Variants in UNC79 observed in about 807,000 individuals in gnomAD.
UNC79 encodes protein unc-79 homolog.
UNC79 carries 37 observed loss-of-function variants against 283.1 expected under a neutral mutation model. The observed-to-expected ratio is 0.13, with a 90% CI of 0.10 to 0.17. The LOEUF is 0.17. Among genes scored for constraint, UNC79 ranks in the 10% least tolerant of loss-of-function variants. UNC79 has a pLI of 1.00. For missense variants in UNC79, 2,272 were observed against 3,211.1 expected, an observed-to-expected ratio of 0.71 and a Z score of 7.07; for synonymous variants, 1,107 against 1,200.2, an observed-to-expected ratio of 0.92 and a Z score of 1.61.
At chr14:93,653,465 T>C (rs1192882205) in intron 35 of UNC79, among the ~76,000 whole-genome samples, 1 of 152,168 alleles carries the variant, frequency 6.6e-6, no homozygotes, top group Non-Finnish European at 1.5e-5. Context: ...GACCTTTGTA[T>C]GTGACCTCTT....
chr14:93,374,006 A>C (rs11852064), intron 1 of UNC79, among the ~76,000 whole-genome samples: 16,161 of 152,062 alleles, frequency 0.11, 896 homozygotes, highest in Middle Eastern at 0.17. Context: ...AGGCTTGGCA[A>C]CCTCCACCCA....
chr14:93,497,195 G>A (rs1301359724), exon 7 of UNC79: 1 of 1,613,394 alleles, frequency 6.2e-7, no homozygotes, highest in Non-Finnish European at 8.5e-7. Context: ...CTTCACAAGT[G>A]AAGCCTCCAG....
intron 42 of UNC79, among the ~76,000 whole-genome samples, chr14:93,685,015 G>A (rs1343070163): frequency 6.6e-6 from 1 of 152,150 alleles, no homozygotes; most frequent in African/African-American, 2.4e-5. Flanking sequence ...AGGAGGGATT[G>A]GAAATTATAT....
chr14:93,560,893 A>C (rs890299377), intron 14 of UNC79, among the ~76,000 whole-genome samples: 1 of 152,262 alleles, frequency 6.6e-6, no homozygotes, highest in South Asian at 2.1e-4. Flanking sequence ...GGGTAACTGC[A>C]TAGAGGGAGA....
chr14:93,624,976 G>A (rs545760431), intron 30 of UNC79, among the ~76,000 whole-genome samples: 8 of 152,276 alleles, frequency 5.3e-5, no homozygotes, highest in East Asian at 3.9e-4. Flanking sequence ...GTACTGGGTC[G>A]TCCTCCGTAT....
At chr14:93,419,468 G>A (rs553320826) in intron 1 of UNC79, among the ~76,000 whole-genome samples, 5 of 151,534 alleles carry the variant, frequency 3.3e-5, no homozygotes, top group Non-Finnish European at 4.4e-5. Context: ...TACCCAGCCC[G>A]TAAACCACTC....
chr14:93,632,536 TA>T, intron 31 of UNC79, among the ~76,000 whole-genome samples: 1 of 151,874 alleles, frequency 6.6e-6, no homozygotes, highest in African/African-American at 2.4e-5. Context: ...CCAGTCTCTA[TA>T]AAAAAATTAA....
At chr14:93,607,026 G>A (rs150396168) in intron 26 of UNC79, among the ~76,000 whole-genome samples, 7 of 152,288 alleles carry the variant, frequency 4.6e-5, no homozygotes, top group Non-Finnish European at 8.8e-5. Context: ...GTAACTGCCC[G>A]TAGGAATTCA....
intron 1 of UNC79, among the ~76,000 whole-genome samples, chr14:93,334,004 T>C (rs1300438745): frequency 2.0e-5 from 3 of 152,246 alleles, no homozygotes; most frequent in African/African-American, 7.2e-5. Flanking sequence ...TATTTGAAAG[T>C]ATTGTATTTG....
intron 1 of UNC79, among the ~76,000 whole-genome samples, chr14:93,442,797 C>A (rs2056343964): frequency 6.6e-6 from 1 of 152,076 alleles, no homozygotes; most frequent in South Asian, 2.1e-4. Flanking sequence ...AAGATAAAGA[C>A]CCATATCCTG....
At chr14:93,366,435 T>A (rs1157746620) in intron 1 of UNC79, among the ~76,000 whole-genome samples, 1 of 152,176 alleles carries the variant, frequency 6.6e-6, no homozygotes, top group Non-Finnish European at 1.5e-5. Context: ...GTCCTATGGA[T>A]GTGGGAAAAC....
intron 1 of UNC79, among the ~76,000 whole-genome samples, chr14:93,367,750 G>A (rs2054364495): frequency 1.3e-5 from 2 of 152,196 alleles, no homozygotes; most frequent in Non-Finnish European, 2.9e-5. Flanking sequence ...ATCTTGAGCA[G>A]TGTTAAGGGC....
chr14:93,649,032 C>T (rs1430398617), intron 35 of UNC79, among the ~76,000 whole-genome samples: 1 of 152,126 alleles, frequency 6.6e-6, no homozygotes, highest in Non-Finnish European at 1.5e-5. Flanking sequence ...CAGAAGAGGG[C>T]AGGGACGGAT....
chr14:93,706,519 C>T (rs1047771348), intron 48 of UNC79, among the ~76,000 whole-genome samples, 185 bp from the exon 52 acceptor site: 1 of 152,066 alleles, frequency 6.6e-6, no homozygotes, highest in African/African-American at 2.4e-5. Context: ...TGGGCCAGGA[C>T]GACTCTAGAA....
intron 11 of UNC79, among the ~76,000 whole-genome samples, chr14:93,534,176 G>T (rs2060957593): frequency 6.6e-6 from 1 of 152,286 alleles, no homozygotes; most frequent in Non-Finnish European, 1.5e-5. Flanking sequence ...CTGTCTCCAG[G>T]AATAGCATAC....
chr14:93,514,785 G>A (rs1006805313), intron 7 of UNC79, among the ~76,000 whole-genome samples: 2 of 152,172 alleles, frequency 1.3e-5, no homozygotes, highest in African/African-American at 4.8e-5. Flanking sequence ...GAAAGCCAAG[G>A]TGAATGTAGA....
rs2065423247 is a variant in UNC79 at position 93,600,504 on chromosome 14, G to A, written c.3373-65G>A. The stretch of plus-strand genomic sequence containing the variant: ...TGACTTTGCCTAGTATATCGGCTTT[G>A]AAGTAACTTAGATGTTTATATCTGA... On this transcript the variant is annotated intron_variant, in intron 24 of 48. Transcript: ENST00000555664. The A allele has an allele frequency of 3.1e-6, 4 of 1,273,170 alleles. No homozygotes were observed. The Admixed American group carries it at 8.9e-5, about 28-fold the overall frequency. 78.9% of individuals were successfully genotyped at this position (1,273,170 alleles called of 1,614,324 possible). A position where few individuals can be genotyped will look rare whatever the true frequency, so the allele number is the denominator to read the frequency against.
At chr14:93,349,988 T>G (rs1435740476) in intron 1 of UNC79, among the ~76,000 whole-genome samples, 1 of 152,228 alleles carries the variant, frequency 6.6e-6, no homozygotes, top group Admixed American at 6.5e-5. Flanking sequence ...GGTAAACTTT[T>G]TATGTAATTT....
chr14:93,556,513 G>T (rs2062182675), intron 14 of UNC79, among the ~76,000 whole-genome samples: 2 of 152,054 alleles, frequency 1.3e-5, no homozygotes, highest in African/African-American at 2.4e-5. Flanking sequence ...AATTCTTTGG[G>T]TTCTACTTGG....
Sources: gnomAD v4.1 joint callset for allele counts (sites outside exome capture counted in the v4.1 genomes callset) on GRCh38, gnomAD v4.1.1 for gene constraint, MANE v1.5 for transcripts, NCBI Gene and HGNC (gene_info 2026-07-23, HGNC 2026-07-21) for gene names.